The following CSMD1 variants were observed in gnomAD, a reference collection of about 807,000 sequenced individuals.
CSMD1 encodes CUB and sushi domain-containing protein 1.
CSMD1 carries 213 observed loss-of-function variants against 417.5 expected under a neutral mutation model. The ratio of observed to expected loss-of-function variants is 0.51; its 90% CI spans 0.46 to 0.57. The LOEUF (loss-of-function observed/expected upper bound fraction) is 0.57, where lower values mean the gene tolerates loss of function less well. Ranked by LOEUF, CSMD1 falls within the 20% of genes least tolerant of loss-of-function variation. CSMD1 has a pLI of 0.00. For missense variants in CSMD1, 6,923 were observed against 4,529.7 expected (o/e 1.53, Z -15.17); for synonymous variants, 2,862 against 1,736.8 (o/e 1.65, Z -16.11).
chr8:4,012,313 C>T (rs1816605429), intron 4 of CSMD1, among the ~76,000 whole-genome samples: 1 of 152,116 alleles, frequency 6.6e-6, no homozygotes, highest in Admixed American at 6.6e-5. Context: ...TCTTCCAATC[C>T]TTGGTAGGGT....
intron 49 of CSMD1, among the ~76,000 whole-genome samples, chr8:3,064,882 C>A (rs141486581): frequency 1.9e-3 from 281 of 150,142 alleles, no homozygotes; most frequent in African/African-American, 6.0e-3. Context: ...AATCAAGGAC[C>A]AAAAATCTTT....
chr8:3,812,373 G>A (rs527886680), intron 5 of CSMD1, among the ~76,000 whole-genome samples: 1 of 152,158 alleles, frequency 6.6e-6, no homozygotes, highest in South Asian at 2.1e-4. Flanking sequence ...ATACCAGGTA[G>A]TGAGATACTT....
intron 5 of CSMD1, among the ~76,000 whole-genome samples, chr8:3,783,737 G>T (rs1413950424): frequency 1.3e-5 from 2 of 152,310 alleles, no homozygotes; most frequent in Middle Eastern, 6.8e-3. Context: ...TCTTACTCCT[G>T]CTATTCAGAT....
intron 36 of CSMD1, chr8:3,182,849 T>TGTGTGTGTGTGTGTGTGTGTGTGTGTGC (rs1821469580): frequency 1.1e-5 from 1 of 88,362 alleles, no homozygotes; most frequent in African/African-American, 5.1e-5. Flanking sequence ...AAGGTGTGTG[T>TGTGTGTGTGTGTGTGTGTGTGTGTGTGC]GTGTGTGTGT....
intron 41 of CSMD1, chr8:3,128,652 T>G: frequency 3.2e-6 from 1 of 313,298 alleles, no homozygotes; most frequent in Non-Finnish European, 6.3e-6. Context: ...ACAAACTATC[T>G]AATTAAGTGT....
intron 3 of CSMD1, among the ~76,000 whole-genome samples, chr8:4,148,975 T>G (rs1796428572): frequency 6.6e-6 from 1 of 151,954 alleles, no homozygotes; most frequent in Non-Finnish European, 1.5e-5. Context: ...ACTTTTTTTT[T>G]TTTTTGAGAT....
rs1585218496 is a variant in CSMD1, at chr8:4,536,165, A to G, written c.302+101177T>C. On this transcript the variant is annotated intron_variant, in intron 2 of 69. Coordinates refer to ENST00000635120, the MANE Select transcript of CSMD1 (RefSeq NM_033225.6). Reference sequence around the variant, plus strand: ...TATATAAACCGCAACTCAGTAAGTAAGGAGATTTGTTTTATTTGACTGCAA... The same window carrying G: ...TATATAAACCGCAACTCAGTAAGTAGGGAGATTTGTTTTATTTGACTGCAA... Among the ~76,000 whole-genome samples the G allele has an allele frequency of 2.0e-5, 3 of 152,286 alleles. No homozygotes were observed. In the South Asian group the frequency reaches 6.2e-4, roughly 32 times the overall value.
At chr8:3,822,584 G>C (rs1585048151) in intron 5 of CSMD1, among the ~76,000 whole-genome samples, 1 of 152,084 alleles carries the variant, frequency 6.6e-6, no homozygotes, top group South Asian at 2.1e-4. Flanking sequence ...TGGGTTTATT[G>C]GTAACTTTTT....
chr8:3,200,818 C>T (rs1359278370), intron 32 of CSMD1, among the ~76,000 whole-genome samples: 1 of 151,882 alleles, frequency 6.6e-6, no homozygotes, highest in Non-Finnish European at 1.5e-5. Context: ...TAGAGAAAAC[C>T]TGGAAATATA....
At chr8:3,576,483 C>A (rs1800156908) in intron 9 of CSMD1, among the ~76,000 whole-genome samples, 1 of 152,104 alleles carries the variant, frequency 6.6e-6, no homozygotes, top group South Asian at 2.1e-4. Context: ...GAAAATGGGA[C>A]AACATAATTT....
At chr8:3,163,776 G>A (rs573589460) in intron 37 of CSMD1, among the ~76,000 whole-genome samples, 1 of 152,164 alleles carries the variant, frequency 6.6e-6, no homozygotes, top group African/African-American at 2.4e-5. Context: ...GGGAAACCCT[G>A]GGTCATCCCT....
At chr8:4,813,358 T>C (rs1043695308) in intron 1 of CSMD1, among the ~76,000 whole-genome samples, 1 of 152,072 alleles carries the variant, frequency 6.6e-6, no homozygotes, top group African/African-American at 2.4e-5. Context: ...AAAAAAAAAA[T>C]TAATAGAACA....
chr8:4,425,367 T>G (rs1797487551), intron 2 of CSMD1, among the ~76,000 whole-genome samples: 1 of 132,584 alleles, frequency 7.5e-6, no homozygotes, highest in Non-Finnish European at 1.6e-5. Context: ...GGATTCATTC[T>G]TATTTGTGTG....
chr8:4,920,687 G>A (rs1219167987), intron 1 of CSMD1, among the ~76,000 whole-genome samples: 2 of 151,828 alleles, frequency 1.3e-5, no homozygotes, highest in African/African-American at 4.8e-5. Context: ...CCATGCGTGG[G>A]TGGTGCATGT....
intron 1 of CSMD1, among the ~76,000 whole-genome samples, chr8:4,841,926 A>AAAAAAAAAAAACAAAAAAC (rs1800862795): frequency 7.0e-6 from 1 of 142,062 alleles, no homozygotes; most frequent in African/African-American, 2.7e-5. Flanking sequence ...AAAAAAAAAA[A>AAAAAAAAAAAACAAAAAAC]AAAAAAAAAA....
At chr8:3,343,215 T>C in intron 23 of CSMD1, 79 bp downstream of exon 23, 1 of 1,286,986 alleles carries the variant, frequency 7.8e-7, no homozygotes, top group East Asian at 2.4e-5. Context: ...AATCAATATT[T>C]AAAACTTAAT....
rs535453921 is a variant in CSMD1, at chr8:4,795,363, C to G, written c.86-157805G>C. On this transcript the variant is annotated intron_variant, in intron 1 of 69. Transcript: ENST00000635120. ...CTTGGCTCACTGCAAGCTCCGCCTCCCAGGTTCAAGCAATTCTCCTGCCTC... is the reference window on the plus strand; with the variant it reads ...CTTGGCTCACTGCAAGCTCCGCCTCGCAGGTTCAAGCAATTCTCCTGCCTC... Among the ~76,000 whole-genome samples, 6 of 143,522 alleles carry G rather than the reference C, an allele frequency of 4.2e-5. No homozygotes were observed. The South Asian group carries it at 1.4e-3, about 33-fold the overall frequency. The allele number at this position is 143,522 out of a possible 152,430, so 94.2% of individuals were successfully genotyped here.
At chr8:4,098,157 A>G (rs939105138) in intron 3 of CSMD1, among the ~76,000 whole-genome samples, 1 of 152,186 alleles carries the variant, frequency 6.6e-6, no homozygotes, top group African/African-American at 2.4e-5. Context: ...TGTAAATTAG[A>G]ATAACATGTT....
intron 5 of CSMD1, among the ~76,000 whole-genome samples, chr8:3,899,161 G>A (rs1315097784): frequency 6.6e-6 from 1 of 152,200 alleles, no homozygotes; most frequent in African/African-American, 2.4e-5. Flanking sequence ...TGCCAGTACT[G>A]TCAAAGGTGC....
Sources: allele counts gnomAD v4.1 joint callset (sites outside exome capture counted in the v4.1 genomes callset), GRCh38; gene constraint gnomAD v4.1.1; transcripts MANE v1.5; gene names NCBI Gene and HGNC (gene_info 2026-07-23, HGNC 2026-07-21).